The following CLVS1 variants were observed in gnomAD, a reference collection of about 807,000 sequenced individuals.
CLVS1 encodes the protein clavesin-1.
Under a neutral mutation model 33.1 loss-of-function variants are expected in CLVS1, and 10 were observed. The observed-to-expected ratio is 0.30, with a 90% CI of 0.19 to 0.51. The LOEUF (loss-of-function observed/expected upper bound fraction) is 0.51. CLVS1 is among the 20% of genes least tolerant of loss of function. The pLI is 0.97. For synonymous variants in CLVS1, 163 were observed against 166.1 expected, an observed-to-expected ratio of 0.98 and a Z score of 0.14; for missense variants, 343 against 433.4, an observed-to-expected ratio of 0.79 and a Z score of 1.85.
intron 5 of CLVS1, among the ~76,000 whole-genome samples, chr8:61,469,080 A>G (rs139308351): frequency 1.3e-3 from 194 of 152,306 alleles, no homozygotes; most frequent in African/African-American, 4.5e-3. Context: ...AGGAGAGAGC[A>G]ATGGCCAGCC....
the CLVS1 span, among the ~76,000 whole-genome samples, chr8:60,990,613 G>A: frequency 6.6e-6 from 1 of 152,086 alleles, no homozygotes; most frequent in African/African-American, 2.4e-5. Context: ...AAAAATTTGA[G>A]AGAATAGGAT....
At chr8:61,405,930 G>A (rs1189933365) in intron 3 of CLVS1, among the ~76,000 whole-genome samples, 1 of 152,108 alleles carries the variant, frequency 6.6e-6, no homozygotes, top group Non-Finnish European at 1.5e-5. Context: ...AAGAATGACT[G>A]CTATATAGAA....
chr8:61,175,352 T>C (rs1807094028), intron 2 of CLVS1, among the ~76,000 whole-genome samples: 1 of 152,176 alleles, frequency 6.6e-6, no homozygotes. Context: ...GCACCATCTA[T>C]GAACCAGGGA....
At chr8:61,079,464 G>T (rs536028932) in intron 1 of CLVS1, among the ~76,000 whole-genome samples, 26 of 152,310 alleles carry the variant, frequency 1.7e-4, no homozygotes, top group Middle Eastern at 6.8e-3. Context: ...GTGTGAGTTG[G>T]CTTAGGTGAA....
At chr8:61,328,110 G>T (rs1396973302) in intron 2 of CLVS1, among the ~76,000 whole-genome samples, 3 of 152,078 alleles carry the variant, frequency 2.0e-5, no homozygotes, top group Non-Finnish European at 4.4e-5. Flanking sequence ...CCAATTCTTG[G>T]GTAGGGGAAT....
intron 2 of CLVS1, among the ~76,000 whole-genome samples, chr8:61,269,205 G>A (rs1809379514): frequency 6.6e-6 from 1 of 151,442 alleles, no homozygotes; most frequent in African/African-American, 2.4e-5. Context: ...TAAGGTGTAA[G>A]GAAGGGATCC....
chr8:61,149,144 G>C (rs1239082988), intron 2 of CLVS1, among the ~76,000 whole-genome samples: 1 of 152,066 alleles, frequency 6.6e-6, no homozygotes, highest in African/African-American at 2.4e-5. Context: ...TGTCTTTCTT[G>C]TTCAATGCTG....
At chr8:61,456,911 C>G (rs1359063824) in intron 4 of CLVS1, among the ~76,000 whole-genome samples, 1 of 146,620 alleles carries the variant, frequency 6.8e-6, no homozygotes, top group Non-Finnish European at 1.5e-5. Context: ...GAGCAAGACT[C>G]CGTCTCAAAA....
chr8:61,500,922 C>CTA lies in CLVS1; in HGVS notation c.*1381_*1382dup, dbSNP rs1459443357. On this transcript the variant is annotated 3_prime_UTR_variant, in exon 6 of 6. Coordinates refer to ENST00000325897, the MANE Select transcript of CLVS1 (RefSeq NM_173519.3). Reference sequence around the variant, plus strand: ...ATAATCACCCCTGATAATATTATTACTAATCTTAATTATTTATTACATCAT... The same window carrying CTA: ...ATAATCACCCCTGATAATATTATTACTATAATCTTAATTATTTATTACATCAT... The CTA allele has an allele frequency of 2.0e-5, 3 of 152,178 alleles. No homozygotes were observed. In the East Asian group the frequency reaches 5.8e-4, roughly 29 times the overall value. 9.4% of individuals were successfully genotyped at this position (152,178 alleles called of 1,614,324 possible).
rs369626907 is a variant in CLVS1 at position 61,200,012 on chromosome 8, T to C, written c.-152+68152T>C. 2.8e-4 allele frequency among the ~76,000 whole-genome samples: 43 copies of C among 152,254 alleles called. 1 individual carries two copies. In the South Asian group the frequency reaches 8.3e-3, roughly 29 times the overall value. ...CAAGGACAACCTTCTCTTTAGTAAG[T>C]TGTAAAGGAGGAAAAATATAAACAC... On this transcript the variant is annotated intron_variant, in intron 2 of 2. Coordinates refer to the CLVS1 transcript ENST00000522621.
intron 2 of CLVS1, among the ~76,000 whole-genome samples, chr8:61,246,167 C>CA (rs1808803334): frequency 2.4e-5 from 2 of 82,210 alleles, no homozygotes; most frequent in Non-Finnish European, 4.6e-5. Flanking sequence ...TCCTTCCCAA[C>CA]TTTTTTTTTT....
chr8:61,213,848 C>T (rs948017696), intron 2 of CLVS1, among the ~76,000 whole-genome samples: 41 of 152,234 alleles, frequency 2.7e-4, no homozygotes, highest in Non-Finnish European at 3.2e-4. Flanking sequence ...ACCGGTGAGC[C>T]GGGTGGAACA....
chr8:61,308,747 A>T (rs1810728092), intron 2 of CLVS1, among the ~76,000 whole-genome samples: 1 of 152,106 alleles, frequency 6.6e-6, no homozygotes. Context: ...CTTTTGTGCC[A>T]AGTGTTTTGT....
At chr8:61,325,865 C>A (rs1811365573) in intron 2 of CLVS1, among the ~76,000 whole-genome samples, 2 of 152,142 alleles carry the variant, frequency 1.3e-5, no homozygotes, top group African/African-American at 4.8e-5. Context: ...TGAAGAATTT[C>A]CTATTTATAG....
chr8:61,093,770 T>C (rs1422366221), intron 1 of CLVS1, among the ~76,000 whole-genome samples: 4 of 152,234 alleles, frequency 2.6e-5, no homozygotes, highest in South Asian at 2.1e-4. Context: ...CATTTATGTG[T>C]GCGTCCAGCT....
chr8:61,363,355 T>C (rs1813060989), intron 2 of CLVS1, among the ~76,000 whole-genome samples: 1 of 152,244 alleles, frequency 6.6e-6, no homozygotes, highest in South Asian at 2.1e-4. Context: ...TAGGATATTT[T>C]GGACCCACTT....
chr8:61,052,038 G>A, the CLVS1 span, among the ~76,000 whole-genome samples: 1 of 152,246 alleles, frequency 6.6e-6, no homozygotes, highest in East Asian at 1.9e-4. Flanking sequence ...CCTGGTCCCT[G>A]CCTGGGGAAC....
At chr8:61,314,616 G>A (rs527286427) in intron 2 of CLVS1, among the ~76,000 whole-genome samples, 7 of 152,274 alleles carry the variant, frequency 4.6e-5, no homozygotes, top group East Asian at 1.9e-4. Context: ...TCTTCATGAC[G>A]CATGGTGACT....
At chr8:61,279,740 T>A (rs887776283) in intron 2 of CLVS1, among the ~76,000 whole-genome samples, 1 of 152,244 alleles carries the variant, frequency 6.6e-6, no homozygotes, top group African/African-American at 2.4e-5. Flanking sequence ...ATTGGCTTAA[T>A]AATTATTTAT....
Sources: gnomAD v4.1 joint callset for allele counts (sites outside exome capture counted in the v4.1 genomes callset) on GRCh38, gnomAD v4.1.1 for gene constraint, MANE v1.5 for transcripts, NCBI Gene and HGNC (gene_info 2026-07-23, HGNC 2026-07-21) for gene names.